Variants in UBE2E2 observed in about 807,000 individuals in gnomAD.
UBE2E2 encodes ubiquitin-conjugating enzyme E2 E2.
A neutral mutation model predicts 24.7 loss-of-function variants in UBE2E2; 6 were observed. That is an observed-to-expected ratio of 0.24 (90% CI 0.13 to 0.48). The LOEUF (loss-of-function observed/expected upper bound fraction) is 0.48. Among genes scored for constraint, UBE2E2 ranks in the 20% least tolerant of loss-of-function variants. The pLI, the probability that UBE2E2 is intolerant of heterozygous loss-of-function variation, is 0.99. For synonymous variants in UBE2E2, 104 were observed against 83.6 expected (o/e 1.24, Z -1.33); for missense variants, 169 against 245.0 (o/e 0.69, Z 2.07).
intron 3 of UBE2E2, among the ~76,000 whole-genome samples, chr3:23,352,523 T>C (rs926093481): frequency 2.0e-5 from 3 of 151,706 alleles, no homozygotes; most frequent in African/African-American, 7.3e-5. Flanking sequence ...AAGAAGCAAA[T>C]AGATGCAATA....
chr3:23,561,994 T>A (rs575336667), intron 5 of UBE2E2, among the ~76,000 whole-genome samples: 1 of 152,348 alleles, frequency 6.6e-6, no homozygotes, highest in South Asian at 2.1e-4. Context: ...TTTCTAGATA[T>A]ACAATCATGT....
intron 3 of UBE2E2, among the ~76,000 whole-genome samples, chr3:23,415,986 CAT>C (rs1287669868): frequency 6.6e-6 from 1 of 152,062 alleles, no homozygotes; most frequent in Non-Finnish European, 1.5e-5. Flanking sequence ...TGAGTGACAA[CAT>C]GTGGTGTTTG....
chr3:23,321,632 G>A (rs1227413375), intron 3 of UBE2E2, among the ~76,000 whole-genome samples: 2 of 148,974 alleles, frequency 1.3e-5, no homozygotes, highest in Admixed American at 6.8e-5. Flanking sequence ...ACACAGAGTT[G>A]TGGGGGAATG....
chr3:23,475,825 A>G (rs1170191715), intron 3 of UBE2E2, among the ~76,000 whole-genome samples: 1 of 152,082 alleles, frequency 6.6e-6, no homozygotes, highest in Non-Finnish European at 1.5e-5. Context: ...CAAGAATGCT[A>G]GGTACATCAT....
chr3:23,255,036 A>G (rs1407761220), intron 3 of UBE2E2, among the ~76,000 whole-genome samples: 2 of 151,040 alleles, frequency 1.3e-5, no homozygotes, highest in African/African-American at 4.9e-5. Context: ...TCTTAAGAAC[A>G]GTTCGTTGAG....
intron 3 of UBE2E2, among the ~76,000 whole-genome samples, chr3:23,226,068 C>T (rs548284556): frequency 2.0e-4 from 31 of 152,076 alleles, no homozygotes; most frequent in African/African-American, 6.7e-4. Context: ...TTAGTAGAGA[C>T]GGGTTTCACC....
At chr3:23,413,366 A>G (rs1017653655) in intron 3 of UBE2E2, among the ~76,000 whole-genome samples, 1 of 151,980 alleles carries the variant, frequency 6.6e-6, no homozygotes, top group African/African-American at 2.4e-5. Flanking sequence ...TTTTTCCCAA[A>G]TGATACTTTA....
At chr3:23,212,098 T>G (rs1019156265) in intron 2 of UBE2E2, among the ~76,000 whole-genome samples, 2 of 152,228 alleles carry the variant, frequency 1.3e-5, no homozygotes, top group Non-Finnish European at 1.5e-5. Context: ...ATGCAGTAAT[T>G]ATAGAATTAA....
intron 3 of UBE2E2, among the ~76,000 whole-genome samples, chr3:23,497,801 A>C (rs1364083981): frequency 6.6e-6 from 1 of 152,122 alleles, no homozygotes; most frequent in African/African-American, 2.4e-5. Flanking sequence ...AGTTCATCTA[A>C]GTTGACCCAC....
intron 1 of UBE2E2, among the ~76,000 whole-genome samples, chr3:23,208,076 CA>C (rs1377783294): frequency 6.6e-6 from 1 of 151,960 alleles, no homozygotes; most frequent in Non-Finnish European, 1.5e-5. Context: ...CTCTGTCACT[CA>C]GGCTGGAATG....
intron 3 of UBE2E2, among the ~76,000 whole-genome samples, chr3:23,228,325 C>T (rs1425086295): frequency 6.6e-6 from 1 of 151,890 alleles, no homozygotes; most frequent in Non-Finnish European, 1.5e-5. Context: ...CACACTGGGA[C>T]TGTATTTTAT....
chr3:23,279,741 G>C (rs1171191287), intron 3 of UBE2E2, among the ~76,000 whole-genome samples: 5 of 152,212 alleles, frequency 3.3e-5, no homozygotes, highest in African/African-American at 1.2e-4. Flanking sequence ...GTTAGCTAGT[G>C]TCATGTGGTC....
At chr3:23,577,998 C>A (rs927364524) in intron 5 of UBE2E2, among the ~76,000 whole-genome samples, 2 of 146,330 alleles carry the variant, frequency 1.4e-5, no homozygotes, top group South Asian at 2.2e-4. Flanking sequence ...ACGGTTGAGA[C>A]CTACCTCTCA....
At chr3:23,331,812 A>C (rs1249919599) in intron 3 of UBE2E2, among the ~76,000 whole-genome samples, 1 of 152,200 alleles carries the variant, frequency 6.6e-6, no homozygotes, top group Admixed American at 6.5e-5. Context: ...AGAAATCACT[A>C]AGGGTTTTGA....
At chr3:23,401,484 G>A (rs1430447356) in intron 3 of UBE2E2, among the ~76,000 whole-genome samples, 3 of 152,122 alleles carry the variant, frequency 2.0e-5, no homozygotes. Context: ...CACCTTGTAT[G>A]TGAAAAGGTA....
intron 3 of UBE2E2, among the ~76,000 whole-genome samples, chr3:23,258,130 G>A (rs1697786722): frequency 6.6e-6 from 1 of 152,154 alleles, no homozygotes; most frequent in African/African-American, 2.4e-5. Flanking sequence ...GGATGGAATG[G>A]CAACTAAATA....
At chr3:23,463,808 C>T (rs1698864199) in intron 3 of UBE2E2, among the ~76,000 whole-genome samples, 1 of 152,140 alleles carries the variant, frequency 6.6e-6, no homozygotes, top group South Asian at 2.1e-4. Context: ...CAGTTCTAAA[C>T]TCCATTCATG....
chr3:23,338,425 G>C (rs1346018531), intron 3 of UBE2E2, among the ~76,000 whole-genome samples: 1 of 152,036 alleles, frequency 6.6e-6, no homozygotes, highest in East Asian at 1.9e-4. Context: ...TAAAGAGAAG[G>C]TTGCATATAT....
At chr3:23,501,510 G>T (rs377343023) in intron 4 of UBE2E2, among the ~76,000 whole-genome samples, 1 of 152,266 alleles carries the variant, frequency 6.6e-6, no homozygotes, top group African/African-American at 2.4e-5. Flanking sequence ...GGAATCTACT[G>T]AAGTCTGACT....
Sources: allele counts gnomAD v4.1 joint callset (sites outside exome capture counted in the v4.1 genomes callset), GRCh38; gene constraint gnomAD v4.1.1; transcripts MANE v1.5; gene names NCBI Gene and HGNC (gene_info 2026-07-23, HGNC 2026-07-21).